Variants in LIPH observed in about 807,000 individuals in gnomAD.
LIPH encodes the protein lipase H.
LIPH carries 32 observed loss-of-function variants against 47.6 expected under a neutral mutation model. The ratio of observed to expected loss-of-function variants is 0.67; its 90% CI spans 0.51 to 0.90. LIPH has a LOEUF of 0.90. LIPH is among the 40% of genes least tolerant of loss of function. The pLI is 0.00. For synonymous variants in LIPH, 190 were observed against 195.6 expected (o/e 0.97, Z 0.24); for missense variants, 497 against 541.4 (o/e 0.92, Z 0.81).
At chr3:185,551,074 T>C (rs1721034721) in intron 1 of LIPH, among the ~76,000 whole-genome samples, 2 of 152,038 alleles carry the variant, frequency 1.3e-5, no homozygotes, top group South Asian at 2.1e-4. Flanking sequence ...TTTGGGAGGC[T>C]GAGGCAGGAG....
chr3:185,545,660 C>G (rs1002307510), intron 1 of LIPH, among the ~76,000 whole-genome samples: 1 of 151,644 alleles, frequency 6.6e-6, no homozygotes, highest in Non-Finnish European at 1.5e-5. Context: ...GGTCCCTTGA[C>G]GTGAGGAGTG....
At chr3:185,530,774 G>T (rs1303178725) in intron 3 of LIPH, among the ~76,000 whole-genome samples, 2 of 152,064 alleles carry the variant, frequency 1.3e-5, no homozygotes, top group East Asian at 3.9e-4. Context: ...AGAGTGATAA[G>T]GATGCTATTA....
chr3:185,532,584 G>A (rs1411267234), intron 3 of LIPH, among the ~76,000 whole-genome samples: 1 of 152,084 alleles, frequency 6.6e-6, no homozygotes, highest in African/African-American at 2.4e-5. Context: ...GAGGTCAGGA[G>A]TTCGAGACCA....
chr3:185,542,528 G>A (rs761885861), intron 1 of LIPH, among the ~76,000 whole-genome samples: 1 of 151,842 alleles, frequency 6.6e-6, no homozygotes, highest in African/African-American at 2.4e-5. Flanking sequence ...TGTTGTCCAC[G>A]CTGGTCTCGA....
chr3:185,535,153 G>C, intron 1 of LIPH, 21 bp from the exon 2 acceptor site: 1 of 1,612,656 alleles, frequency 6.2e-7, no homozygotes, highest in Non-Finnish European at 8.5e-7. Context: ...AAATTAGATG[G>C]CATCACGACA....
chr3:185,529,868 C>T (rs1029194937), intron 3 of LIPH, among the ~76,000 whole-genome samples: 39 of 142,882 alleles, frequency 2.7e-4, no homozygotes, highest in African/African-American at 9.0e-4. Flanking sequence ...CCAGCCCAGG[C>T]GACAGACCAA....
At chr3:185,533,921 C>A (rs973525759) in intron 2 of LIPH, among the ~76,000 whole-genome samples, 2 of 152,178 alleles carry the variant, frequency 1.3e-5, no homozygotes, top group Non-Finnish European at 2.9e-5. Context: ...GAGAGCAGAG[C>A]AGGATTCAAA....
At position 185,532,775 on chromosome 3, in the gene LIPH, G is replaced by C. The variant is rs181338096; in HGVS notation, c.526+796C>G. Among the ~76,000 whole-genome samples the C allele has an allele frequency of 2.3e-3, 351 of 152,156 alleles. 2 individuals are homozygous for C. Among genetic ancestry groups the C allele is most frequent in the African/African-American group, 8.2e-3 (342 of 41,518 alleles). ...ACTGCACTCCAGCCTGGGTGACAGA[G>C]TGAGACTCTTTCTCAAAAATAAATA... On this transcript the variant is annotated intron_variant, in intron 3 of 9. Coordinates refer to ENST00000296252, the MANE Select transcript of LIPH (RefSeq NM_139248.3).
intron 1 of LIPH, among the ~76,000 whole-genome samples, chr3:185,538,123 A>G (rs934774097): frequency 2.6e-5 from 4 of 152,112 alleles, no homozygotes; most frequent in Non-Finnish European, 5.9e-5. Flanking sequence ...ATTTCTTTTA[A>G]GTCTTAGTTA....
chr3:185,516,424 C>A (rs544131505), intron 7 of LIPH, among the ~76,000 whole-genome samples: 3 of 152,136 alleles, frequency 2.0e-5, no homozygotes, highest in African/African-American at 4.8e-5. Context: ...CAGAGTGAGA[C>A]CCTGTCTCAA....
intron 5 of LIPH, among the ~76,000 whole-genome samples, chr3:185,522,482 GAAGGAAGGAAGGAA>G (rs931316332): frequency 4.7e-4 from 71 of 149,816 alleles, no homozygotes; most frequent in African/African-American, 1.5e-3. Context: ...GGAAAGGAAA[GAAGGAAGGAAGGAA>G]AAGGAAGGAA....
At chr3:185,539,294 C>T (rs1177895090) in intron 1 of LIPH, among the ~76,000 whole-genome samples, 1 of 151,752 alleles carries the variant, frequency 6.6e-6, no homozygotes, top group Non-Finnish European at 1.5e-5. Flanking sequence ...CATAACTGGG[C>T]TCTCTTGTTG....
intron 4 of LIPH, among the ~76,000 whole-genome samples, chr3:185,524,450 CTT>C (rs563332434): frequency 2.1e-4 from 29 of 138,138 alleles, no homozygotes; most frequent in Admixed American, 2.9e-4. Context: ...CATTTCTTCT[CTT>C]TTTTTTTTTT....
At chr3:185,522,538 GAAGA>G (rs1162957112) in intron 5 of LIPH, among the ~76,000 whole-genome samples, 1 of 149,224 alleles carries the variant, frequency 6.7e-6, no homozygotes, top group African/African-American at 2.5e-5. Context: ...AGGAAGGAAG[GAAGA>G]GAGGAAGAAA....
chr3:185,551,846 T>A (rs140101208), intron 1 of LIPH, among the ~76,000 whole-genome samples: 24 of 152,230 alleles, frequency 1.6e-4, no homozygotes, highest in African/African-American at 5.3e-4. Flanking sequence ...TTTTGTTACA[T>A]TATCTGGTAC....
Position 185,551,669 on chromosome 3 carries a change from C to T in LIPH, c.49+754G>A, listed in dbSNP as rs527498923. ...AAATTCCCAGCAATGGTTTTACTAG[C>T]TTAAAGTATATGAACATTTTTACAA... On this transcript the variant is annotated intron_variant, in intron 1 of 9. Transcript: ENST00000296252. Among the ~76,000 whole-genome samples the T allele has an allele frequency of 2.6e-5, 4 of 152,134 alleles. No homozygotes were observed. In the East Asian group the frequency reaches 7.7e-4, roughly 29 times the overall value.
rs1025373332 is a variant in LIPH, at chr3:185,508,647, G to A, written c.*143C>T. 12 of 692,846 alleles carry A rather than the reference G, an allele frequency of 1.7e-5. 1 individual carries two copies. The highest frequency in any genetic ancestry group is 1.8e-5 in the Non-Finnish European group (7 of 378,414). 42.9% of individuals were successfully genotyped at this position (692,846 alleles called of 1,614,324 possible). A position where few individuals can be genotyped will look rare whatever the true frequency, so the allele number is the denominator to read the frequency against. The stretch of plus-strand genomic sequence containing the variant: ...ATCACAAGGTTGTTTGATGTACAAT[G>A]TGACATCCATAGGACGCTACTGAAA... On this transcript the variant is annotated 3_prime_UTR_variant, in exon 10 of 10. Coordinates refer to ENST00000296252, the MANE Select transcript of LIPH (RefSeq NM_139248.3).
Position 185,508,462 on chromosome 3 carries a change from G to T in LIPH, c.*328C>A. On this transcript the variant is annotated 3_prime_UTR_variant, in exon 10 of 10. Transcript: ENST00000296252. The stretch of plus-strand genomic sequence containing the variant: ...TCCTTCCCTTGAAGATGCTTGACCC[G>T]CAGCCGCGATGGGCAGAACCACCCG... The T allele has an allele frequency of 3.0e-6, 1 of 336,904 alleles. No individual in the cohort carries two copies. The highest frequency in any genetic ancestry group is 6.6e-5 in the East Asian group (1 of 15,164). 20.9% of individuals were successfully genotyped at this position (336,904 alleles called of 1,614,324 possible).
chr3:185,525,616 A>C (rs1720046439), intron 4 of LIPH, among the ~76,000 whole-genome samples: 1 of 152,128 alleles, frequency 6.6e-6, no homozygotes, highest in Admixed American at 6.6e-5. Flanking sequence ...TGTCTCTATC[A>C]GTGAAAAAAA....
Sources: gnomAD v4.1 joint callset for allele counts (sites outside exome capture counted in the v4.1 genomes callset) on GRCh38, gnomAD v4.1.1 for gene constraint, MANE v1.5 for transcripts, NCBI Gene and HGNC (gene_info 2026-07-23, HGNC 2026-07-21) for gene names.